Variants in ZNF436 observed in about 807,000 individuals in gnomAD.
ZNF436 encodes DNA-binding protein.
In ZNF436, 22 loss-of-function variants were observed where a neutral mutation model predicts 41.9. The observed-to-expected ratio is 0.53, with a 90% CI of 0.38 to 0.75. The LOEUF (loss-of-function observed/expected upper bound fraction) is 0.75, where lower values mean the gene tolerates loss of function less well. ZNF436 is among the 30% of genes least tolerant of loss of function. The pLI, the probability that ZNF436 is intolerant of heterozygous loss-of-function variation, is 0.00. For missense variants in ZNF436, 506 were observed against 587.3 expected (o/e 0.86, Z 1.43); for synonymous variants, 217 against 197.8 (o/e 1.10, Z -0.82).
rs750332088 is a variant in ZNF436 at position 23,362,528 on chromosome 1, C to A, written c.854G>T (p.Arg285Leu). The change falls in exon 4 of 4, where the codon CGA (arginine) becomes CTA (leucine). Residue 285 changes from arginine (R) to leucine (L), a missense_variant. By Grantham distance (102) the Arg-to-Leu change is moderately radical. Transcript: ENST00000314011. ...GAGATCAGATCTCTCACTGAAGCCT[C>A]GGCCACATTCGTTACATTCATAAGG... ...EKPYECNECG[R>L]GFSERSDLIK... The A allele has an allele frequency of 6.2e-7, 1 of 1,613,566 alleles. No individual in the cohort carries two copies. Among genetic ancestry groups the A allele is most frequent in the Non-Finnish European group, 8.5e-7 (1 of 1,179,916 alleles).
At chr1:23,366,891 A>G (rs1638371076) in intron 3 of ZNF436, 151 bp downstream of exon 3, 1 of 817,980 alleles carries the variant, frequency 1.2e-6, no homozygotes, top group South Asian at 1.9e-5. Flanking sequence ...GGATGTTCCC[A>G]TATTCAAAGA....
Position 23,362,031 on chromosome 1 carries a change from A to G in ZNF436, c.1351T>C (p.Cys451Arg), listed in dbSNP as rs1638247336. 1.2e-6 allele frequency: 2 copies of G among 1,614,128 alleles called. No homozygotes were observed. The highest frequency in any genetic ancestry group is 1.7e-6 in the Non-Finnish European group (2 of 1,180,004). ...TGEKPYECTECEKSFSRSSAL... is the reference protein window; with the variant it reads ...TGEKPYECTEREKSFSRSSAL... ...GAGCTCCTGCTGAAACTCTTCTCACATTCGGTACATTCATAAGGTTTCTCT... is the reference window on the plus strand; with the variant it reads ...GAGCTCCTGCTGAAACTCTTCTCACGTTCGGTACATTCATAAGGTTTCTCT... The change falls in exon 4 of 4, where the codon TGT becomes CGT. Residue 451 changes from cysteine to arginine, a missense_variant. This residue lies in a region of ZNF436 where 278 missense variants were observed against 372.1 expected (regional missense o/e 0.75). Coordinates refer to ENST00000314011, the MANE Select transcript of ZNF436 (RefSeq NM_001077195.2).
Position 23,368,031 on chromosome 1 carries a change from GGAGA to G in ZNF436, c.-30_-27del. The G allele has an allele frequency of 6.2e-7, 1 of 1,613,818 alleles. No homozygotes were observed. Among genetic ancestry groups the G allele is most frequent in the Admixed American group, 1.7e-5 (1 of 60,012 alleles). On this transcript the variant is annotated 5_prime_UTR_variant, in exon 2 of 4. Coordinates refer to ENST00000314011, the MANE Select transcript of ZNF436 (RefSeq NM_001077195.2). ...CTCGAGCACAAGGGTTCGCCTCCAG[GGAGA>G]GAGAGCAGGAAAAGCAGCTAGCAGA...
At chr1:23,368,553 C>A (rs1296851106) in intron 1 of ZNF436, among the ~76,000 whole-genome samples, 3 of 152,218 alleles carry the variant, frequency 2.0e-5, no homozygotes, top group Non-Finnish European at 2.9e-5. Flanking sequence ...AAAAGCTAGC[C>A]AGAGGCCAAA....
rs1337057478 is a variant in ZNF436 at position 23,362,206 on chromosome 1, A to G, written c.1176T>C (p.Cys392=). The change falls in exon 4 of 4, where the codon TGT becomes TGC. Residue 392 remains cysteine (C), a synonymous_variant. Coordinates refer to ENST00000314011, the MANE Select transcript of ZNF436 (RefSeq NM_001077195.2). ...CACCAAAGCTTCGCCAACACTCATT[A>G]CACTCATAAGGCTTCTCTCCAGTGT... The part of the protein sequence containing the change: ...KIHTGEKPYE[C]NECWRSFGER... 1 of 1,613,930 alleles carries G rather than the reference A, an allele frequency of 6.2e-7. No individual in the cohort carries two copies. The highest frequency in any genetic ancestry group is 8.5e-7 in the Non-Finnish European group (1 of 1,179,990).
At chr1:23,366,911 G>T in intron 3 of ZNF436, 131 bp downstream of exon 3, 1 of 1,014,240 alleles carries the variant, frequency 9.9e-7, no homozygotes. Context: ...ATCTGCCTGA[G>T]GACTCAAGTC....
rs1335208189 is a variant in ZNF436, at chr1:23,360,737, C to G, written c.*1232G>C. The G allele has an allele frequency of 6.6e-6, 1 of 152,648 alleles. No individual in the cohort carries two copies. Among genetic ancestry groups the G allele is most frequent in the Non-Finnish European group, 1.5e-5 (1 of 68,044 alleles). 9.5% of individuals were successfully genotyped at this position (152,648 alleles called of 1,614,324 possible). A position where few individuals can be genotyped will look rare whatever the true frequency, so the allele number is the denominator to read the frequency against. On this transcript the variant is annotated 3_prime_UTR_variant, in exon 4 of 4. Coordinates refer to ENST00000314011, the MANE Select transcript of ZNF436 (RefSeq NM_001077195.2). Reference sequence around the variant, plus strand: ...ATCTTCCACAATTGACAAACACATACAAACAAGTGCTTAGCTCTGTACAAA... The same window carrying G: ...ATCTTCCACAATTGACAAACACATAGAAACAAGTGCTTAGCTCTGTACAAA...
chr1:23,362,148 G>A lies in ZNF436; in HGVS notation c.1234C>T (p.His412Tyr), dbSNP rs1365168097. The change falls in exon 4 of 4, where the codon CAC (histidine) becomes TAC (tyrosine). Residue 412 changes from histidine (H) to tyrosine (Y), a missense_variant. Physicochemically the swap from His to Tyr is moderately conservative, Grantham distance 83 (BLOSUM62 2). Coordinates refer to ENST00000314011, the MANE Select transcript of ZNF436 (RefSeq NM_001077195.2). Reference protein sequence around the residue: ...RSDLIKHQRTHTGEKPYECVQ... With the variant: ...RSDLIKHQRTYTGEKPYECVQ... ...CACTCGTAGGGCTTCTCCCCTGTGT[G>A]GGTTCTCTGATGTTTAATTAGATCT... 1 of 1,614,114 alleles carries A rather than the reference G, an allele frequency of 6.2e-7. No homozygotes were observed. Among genetic ancestry groups the A allele is most frequent in the Non-Finnish European group, 8.5e-7 (1 of 1,180,010 alleles).
chr1:23,369,248 A>G, intron 1 of ZNF436, 118 bp downstream of exon 1: 1 of 439,322 alleles, frequency 2.3e-6, no homozygotes. Flanking sequence ...GGCCTCCCGC[A>G]CCGAAGGGAC....
chr1:23,365,785 G>A (rs1404062026), intron 3 of ZNF436, among the ~76,000 whole-genome samples: 2 of 151,596 alleles, frequency 1.3e-5, no homozygotes, highest in African/African-American at 2.4e-5. Context: ...GGGCAAGGTG[G>A]TACGCATCTG....
At chr1:23,368,409 G>T in intron 1 of ZNF436, 1 of 198,728 alleles carries the variant, frequency 5.0e-6, no homozygotes, top group Non-Finnish European at 1.1e-5. Flanking sequence ...CAATCAGCGA[G>T]CGAAGTTCGT....
rs1020494874 is a variant in ZNF436, at chr1:23,361,759, A to G, written c.*210T>C. 4.6e-5 allele frequency: 23 copies of G among 503,934 alleles called. No individual in the cohort carries two copies. In the East Asian group the frequency reaches 7.3e-4, roughly 16 times the overall value. The allele number at this position is 503,934 out of a possible 1,614,324, so 31.2% of individuals were successfully genotyped here. A position where few individuals can be genotyped will look rare whatever the true frequency, so the allele number is the denominator to read the frequency against. ...GGGGCTGCTTTTAATGAAGTAACCC[A>G]TTGAGTGAATAAAAATCACCATTTT... On this transcript the variant is annotated 3_prime_UTR_variant, in exon 4 of 4. Transcript: ENST00000314011.
intron 1 of ZNF436, among the ~76,000 whole-genome samples, chr1:23,368,805 C>A (rs2148532551): frequency 1.3e-5 from 2 of 152,284 alleles, no homozygotes; most frequent in Middle Eastern, 3.4e-3. Flanking sequence ...ACAGCACAGG[C>A]TGGAGAGGGA....
rs1467397405 is a variant in ZNF436 at position 23,361,507 on chromosome 1, G to A, written c.*462C>T. ...AAAAGCCCTTTGGAAGGGAAGATGT[G>A]TGTGCCCAACTACTATGGTGTGTGA... is the stretch of plus-strand genomic sequence containing the variant. On this transcript the variant is annotated 3_prime_UTR_variant, in exon 4 of 4. Coordinates refer to ENST00000314011, the MANE Select transcript of ZNF436 (RefSeq NM_001077195.2). The A allele has an allele frequency of 6.5e-6, 1 of 154,256 alleles. No individual in the cohort carries two copies. The highest frequency in any genetic ancestry group is 6.4e-5 in the Admixed American group (1 of 15,508). The allele number at this position is 154,256 out of a possible 1,614,324, so 9.6% of individuals were successfully genotyped here.
At chr1:23,368,248 C>T in intron 1 of ZNF436, 183 bp from the exon 2 acceptor site, 3 of 562,910 alleles carry the variant, frequency 5.3e-6, no homozygotes, top group Non-Finnish European at 9.5e-6. Context: ...GGAGGCAATG[C>T]CGGAATCTAC....
intron 3 of ZNF436, among the ~76,000 whole-genome samples, chr1:23,364,079 AC>A (rs2148529273): frequency 6.6e-6 from 1 of 152,334 alleles, no homozygotes; most frequent in East Asian, 1.9e-4. Context: ...TTTTGAAAGA[AC>A]ACTGGAAGCA....
At position 23,361,177 on chromosome 1, in the gene ZNF436, G is replaced by A. The variant is rs1299619761; in HGVS notation, c.*792C>T. Reference sequence around the variant, plus strand: ...ACTGATGGTCCTATCTTTTCTTGAAGATATTTTCTATACAATATTCCCTAT... The same window carrying A: ...ACTGATGGTCCTATCTTTTCTTGAAAATATTTTCTATACAATATTCCCTAT... On this transcript the variant is annotated 3_prime_UTR_variant, in exon 4 of 4. Coordinates refer to ENST00000314011, the MANE Select transcript of ZNF436 (RefSeq NM_001077195.2). 6.6e-6 allele frequency: 1 copy of A among 152,594 alleles called. No individual in the cohort carries two copies. Among genetic ancestry groups the A allele is most frequent in the Non-Finnish European group, 1.5e-5 (1 of 68,024 alleles). 9.5% of individuals were successfully genotyped at this position (152,594 alleles called of 1,614,324 possible).
At chr1:23,367,926 G>A (rs537697158) in intron 2 of ZNF436, 47 bp downstream of exon 2, 4 of 1,607,738 alleles carry the variant, frequency 2.5e-6, no homozygotes, top group Non-Finnish European at 3.4e-6. Flanking sequence ...AACGCCGGAC[G>A]AGGTGGGTAA....
At position 23,362,903 on chromosome 1, in the gene ZNF436, T is replaced by C. The variant is rs779491638; in HGVS notation, c.479A>G (p.His160Arg). 1 of 1,614,208 alleles carries C rather than the reference T, an allele frequency of 6.2e-7. No homozygotes were observed. The highest frequency in any genetic ancestry group is 2.2e-5 in the East Asian group (1 of 44,884). Residue 160 changes from histidine to arginine, a missense_variant, in exon 4 of 4, where the codon CAC (histidine) becomes CGC (arginine). His to Arg is a conservative substitution (Grantham distance 29, BLOSUM62 0). Transcript: ENST00000314011. ...ISDLNRHQKT[H>R]TGDRPYKCYE... Reference sequence around the variant, plus strand: ...ACATTTATAGGGTCTGTCTCCAGTGTGGGTCTTCTGATGTCGATTAAGGTC... The same window carrying C: ...ACATTTATAGGGTCTGTCTCCAGTGCGGGTCTTCTGATGTCGATTAAGGTC...
Sources: allele counts gnomAD v4.1 joint callset (sites outside exome capture counted in the v4.1 genomes callset), GRCh38; gene constraint gnomAD v4.1.1; regional missense constraint gnomAD v4.1.1; transcripts MANE v1.5; gene names NCBI Gene and HGNC (gene_info 2026-07-23, HGNC 2026-07-21).